The following TMPRSS13 variants were observed in gnomAD, a reference collection of about 807,000 sequenced individuals.
TMPRSS13 encodes transmembrane protease serine 13.
In TMPRSS13, 50 loss-of-function variants were observed where a neutral mutation model predicts 68.4. That is an observed-to-expected ratio of 0.73 (90% CI 0.58 to 0.93). The LOEUF is 0.93. Ranked by LOEUF, TMPRSS13 falls within the 40% of genes least tolerant of loss-of-function variation. TMPRSS13 has a pLI of 0.00. For synonymous variants in TMPRSS13, 267 were observed against 285.8 expected (o/e 0.93, Z 0.66); for missense variants, 615 against 729.2 (o/e 0.84, Z 1.80).
At chr11:117,920,911 G>A (rs911252818) in intron 1 of TMPRSS13, among the ~76,000 whole-genome samples, 3 of 152,198 alleles carry the variant, frequency 2.0e-5, no homozygotes, top group Admixed American at 2.0e-4. Flanking sequence ...ACCCTTCAGT[G>A]CCTGATTCCA....
intron 9 of TMPRSS13, chr11:117,907,454 T>C (rs2057474838): frequency 6.6e-6 from 1 of 152,278 alleles, no homozygotes; most frequent in South Asian, 2.1e-4. Flanking sequence ...CTCTGACTCA[T>C]GATAGACACC....
At position 117,929,340 on chromosome 11, in the gene TMPRSS13, C is replaced by G. The variant is rs1302665835; in HGVS notation, c.-33G>C. 1 of 1,601,482 alleles carries G rather than the reference C, an allele frequency of 6.2e-7. No homozygotes were observed. Among genetic ancestry groups the G allele is most frequent in the Non-Finnish European group, 8.5e-7 (1 of 1,173,868 alleles). On this transcript the variant is annotated 5_prime_UTR_variant, in exon 1 of 13. Transcript: ENST00000524993. ...GAGGGGAAGAGTCCTCCAGGCTTAG[C>G]TGATGTCGAGGAGAAGATCCATCTT...
intron 9 of TMPRSS13, chr11:117,907,648 C>A: frequency 4.7e-6 from 1 of 211,414 alleles, no homozygotes; most frequent in African/African-American, 2.3e-5. Context: ...CCTGAGCCCC[C>A]ATTACCTGTC....
intron 10 of TMPRSS13, 36 bp downstream of exon 10, chr11:117,905,602 A>G: frequency 6.5e-7 from 1 of 1,527,894 alleles, no homozygotes; most frequent in East Asian, 2.4e-5. Flanking sequence ...CATGCACATG[A>G]ATACATACAC....
intron 1 of TMPRSS13, among the ~76,000 whole-genome samples, chr11:117,924,945 G>A (rs988701863): frequency 2.0e-5 from 3 of 152,146 alleles, no homozygotes; most frequent in African/African-American, 7.2e-5. Context: ...CAGAGCTGCA[G>A]GGTCTGCCTC....
intron 12 of TMPRSS13, chr11:117,903,115 GA>G (rs2057424078): frequency 1.6e-6 from 2 of 1,261,904 alleles, no homozygotes; most frequent in African/African-American, 3.1e-5. Flanking sequence ...TTTTAAGTGG[GA>G]AAGGGAAAGA....
chr11:117,908,907 A>G, intron 8 of TMPRSS13, 123 bp from the exon 9 acceptor site: 5 of 951,572 alleles, frequency 5.3e-6, no homozygotes, highest in Non-Finnish European at 3.1e-6. Flanking sequence ...GGATAAAATG[A>G]CCTCTGGAGG....
intron 10 of TMPRSS13, among the ~76,000 whole-genome samples, chr11:117,905,289 C>A (rs1037400205): frequency 6.6e-6 from 1 of 152,016 alleles, no homozygotes; most frequent in Non-Finnish European, 1.5e-5. Flanking sequence ...CTCCCCAAGC[C>A]ACCTAAATCC....
Position 117,915,576 on chromosome 11 carries a change from T to C in TMPRSS13, c.557-1062A>G, listed in dbSNP as rs973424287. Among the ~76,000 whole-genome samples, 1 of 152,090 alleles carries C rather than the reference T, an allele frequency of 6.6e-6. No homozygotes were observed. The highest frequency in any genetic ancestry group is 1.5e-5 in the Non-Finnish European group (1 of 68,010). On this transcript the variant is annotated intron_variant, in intron 3 of 12. Transcript: ENST00000524993. The surrounding 1 kb of genome is among the most constrained non-coding windows in gnomAD (Gnocchi z 4.9). Reference sequence around the variant, plus strand: ...GCTCATGGAGCCCCACGTGGATGTGTAGTGGAGAGGGTACTGGGCCGGGTT... The same window carrying C: ...GCTCATGGAGCCCCACGTGGATGTGCAGTGGAGAGGGTACTGGGCCGGGTT...
intron 9 of TMPRSS13, among the ~76,000 whole-genome samples, chr11:117,906,753 G>C (rs1471220618): frequency 6.6e-6 from 1 of 152,076 alleles, no homozygotes; most frequent in Admixed American, 6.5e-5. Context: ...GAGATGTAAA[G>C]TTTTAAAAAC....
chr11:117,903,344 T>C (rs2057426958), intron 12 of TMPRSS13: 2 of 1,492,266 alleles, frequency 1.3e-6, no homozygotes, highest in Non-Finnish European at 1.8e-6. Context: ...AACTGAAACG[T>C]TTTCAAAGTC....
At chr11:117,927,232 T>C (rs1010481402) in intron 1 of TMPRSS13, among the ~76,000 whole-genome samples, 1 of 152,238 alleles carries the variant, frequency 6.6e-6, no homozygotes, top group Non-Finnish European at 1.5e-5. Context: ...CGCAGCTGTG[T>C]GGGAATCTCT....
intron 6 of TMPRSS13, 55 bp from the exon 7 acceptor site, chr11:117,910,805 G>A: frequency 6.5e-7 from 1 of 1,530,798 alleles, no homozygotes; most frequent in Non-Finnish European, 8.9e-7. Flanking sequence ...CCTCCTCCAG[G>A]AAGCCTTCCT....
chr11:117,909,324 G>A (rs1445275605), intron 8 of TMPRSS13, among the ~76,000 whole-genome samples: 1 of 152,118 alleles, frequency 6.6e-6, no homozygotes, highest in Non-Finnish European at 1.5e-5. Context: ...CTGAGGCCTG[G>A]TCCCAGAGCT....
intron 9 of TMPRSS13, chr11:117,907,897 G>GTGAATGAATGAATGAATGAA (rs35539867): frequency 1.1e-6 from 1 of 893,510 alleles, no homozygotes; most frequent in African/African-American, 1.8e-5. Flanking sequence ...TGAATGATGA[G>GTGAATGAATGAATGAATGAA]TGAATGAATG....
Position 117,903,854 on chromosome 11 carries a change from T to C in TMPRSS13, c.1525-47A>G, listed in dbSNP as rs910995209. 21 of 1,600,988 alleles carry C rather than the reference T, an allele frequency of 1.3e-5. No homozygotes were observed. The Admixed American group carries it at 2.8e-4, about 21-fold the overall frequency. ...TTCGCAGGATGGGACAGGTGGTCCA[T>C]GAGCGGGAAAGGGTGGGGTCCCAAT... On this transcript the variant is annotated intron_variant, in intron 11 of 12. Transcript: ENST00000524993.
chr11:117,912,608 CTT>C (rs2057535110), intron 5 of TMPRSS13, among the ~76,000 whole-genome samples: 1 of 152,232 alleles, frequency 6.6e-6, no homozygotes, highest in African/African-American at 2.4e-5. Context: ...TGGCATGACA[CTT>C]AGCACACGCT....
intron 2 of TMPRSS13, 111 bp downstream of exon 2, chr11:117,918,298 T>G: frequency 1.9e-5 from 14 of 751,686 alleles, no homozygotes; most frequent in Non-Finnish European, 2.4e-5. Flanking sequence ...CTACCTCCCC[T>G]TCCCCGCATC....
At chr11:117,916,968 T>G (rs1206200986) in intron 3 of TMPRSS13, among the ~76,000 whole-genome samples, 1 of 152,134 alleles carries the variant, frequency 6.6e-6, no homozygotes, top group Non-Finnish European at 1.5e-5. Flanking sequence ...TCCTCTGACT[T>G]CCACACTGTT....
Sources: allele counts gnomAD v4.1 joint callset (sites outside exome capture counted in the v4.1 genomes callset), GRCh38; gene constraint gnomAD v4.1.1; non-coding constraint Gnocchi (gnomAD v3.1); transcripts MANE v1.5; gene names NCBI Gene and HGNC (gene_info 2026-07-23, HGNC 2026-07-21).